Variants in GSTO2 observed in about 807,000 individuals in gnomAD.
GSTO2 encodes the protein glutathione S-transferase omega 2.
Under a neutral mutation model 28.4 loss-of-function variants are expected in GSTO2, and 23 were observed. The ratio of observed to expected loss-of-function variants is 0.81; its 90% CI spans 0.58 to 1.15. GSTO2 has a LOEUF of 1.15. GSTO2 is among the 50% of genes most tolerant of loss of function. The pLI is 0.00. For synonymous variants in GSTO2, 109 were observed against 111.0 expected (o/e 0.98, Z 0.11); for missense variants, 298 against 297.8 (o/e 1.00, Z 0.00).
At chr10:104,281,396 A>G (rs2012028243) in intron 5 of GSTO2, among the ~76,000 whole-genome samples, 1 of 152,196 alleles carries the variant, frequency 6.6e-6, no homozygotes, top group Non-Finnish European at 1.5e-5. Flanking sequence ...GACCAGGGAA[A>G]GGAGCTGGGA....
rs1242494080 is a variant in GSTO2 at position 104,304,127 on chromosome 10, T to A, written c.*4843T>A. 1.3e-5 allele frequency: 2 copies of A among 152,260 alleles called. No individual in the cohort carries two copies. The highest frequency in any genetic ancestry group is 2.4e-5 in the African/African-American group (1 of 41,436). The allele number at this position is 152,260 out of a possible 1,614,324, so 9.4% of individuals were successfully genotyped here. ...ACAAATAACCAAATATCCAGCCCAGTGCAGTTCTCAATGAGTAGTCTCCAG... is the reference window on the plus strand; with the variant it reads ...ACAAATAACCAAATATCCAGCCCAGAGCAGTTCTCAATGAGTAGTCTCCAG... On this transcript the variant is annotated 3_prime_UTR_variant, in exon 7 of 7. Coordinates refer to ENST00000338595, the MANE Select transcript of GSTO2 (RefSeq NM_183239.2).
chr10:104,289,046 C>T (rs146940284), intron 5 of GSTO2, among the ~76,000 whole-genome samples: 297 of 152,256 alleles, frequency 2.0e-3, no homozygotes, highest in African/African-American at 6.7e-3. Context: ...AAGCATTACC[C>T]TCCTAGCTTT....
At position 104,299,191 on chromosome 10, in the gene GSTO2, CTG is replaced by C; in HGVS notation, c.642_643del (p.Ala215SerfsTer5). On this transcript the variant is annotated frameshift_variant, in exon 7 of 7. Transcript: ENST00000338595. LOFTEE classifies it high-confidence loss of function. ...CAGCCATGAAGTGGGACCCCACAGT[CTG>C]TGCTCTTCTCATGGATAAGAGCATT... The part of the protein sequence containing the change: ...ISAMKWDPTV[C>X]ALLMDKSIFQ... 6.2e-7 allele frequency: 1 copy of C among 1,614,236 alleles called. No homozygotes were observed. The highest frequency in any genetic ancestry group is 1.7e-5 in the Admixed American group (1 of 60,026).
rs557913634 is a variant in GSTO2 at position 104,276,814 on chromosome 10, C to T, written c.144-1080C>T. ...ACAATCTCCTAGACTAAGCAATGAACGTTCCCATTTGTTTCCTTTCATGTT... is the reference window on the plus strand; with the variant it reads ...ACAATCTCCTAGACTAAGCAATGAATGTTCCCATTTGTTTCCTTTCATGTT... On this transcript the variant is annotated intron_variant, in intron 3 of 6. Coordinates refer to ENST00000338595, the MANE Select transcript of GSTO2 (RefSeq NM_183239.2). 7.2e-5 allele frequency among the ~76,000 whole-genome samples: 11 copies of T among 152,266 alleles called. No homozygotes were observed. In the South Asian group the frequency reaches 1.0e-3, roughly 14 times the overall value.
In GSTO2 at chr10:104,293,334, C is replaced by T. The variant is rs555585366; in HGVS notation, c.469-4244C>T. Among the ~76,000 whole-genome samples, 34 of 152,176 alleles carry T rather than the reference C, an allele frequency of 2.2e-4. No homozygotes were observed. The South Asian group carries it at 5.0e-3, about 22-fold the overall frequency. ...AAGGTCAAGAAACAGGAAGGAAAAC[C>T]GTATCAAGATATCAAGTCATGGTAT... On this transcript the variant is annotated intron_variant, in intron 5 of 6. Coordinates refer to ENST00000338595, the MANE Select transcript of GSTO2 (RefSeq NM_183239.2).
intron 1 of GSTO2, among the ~76,000 whole-genome samples, chr10:104,273,493 A>G (rs1328255184): frequency 1.3e-5 from 2 of 152,234 alleles, no homozygotes; most frequent in Non-Finnish European, 2.9e-5. Context: ...TCACTAGCAA[A>G]AAATGTTAAC....
At chr10:104,273,887 G>T (rs12773129) in intron 1 of GSTO2, among the ~76,000 whole-genome samples, 4,563 of 152,302 alleles carry the variant, frequency 0.03, 100 homozygotes, top group South Asian at 0.11. Flanking sequence ...TAGTCAGTAT[G>T]AGTGAGACAC....
At chr10:104,272,576 C>T (rs1412292301) in intron 1 of GSTO2, among the ~76,000 whole-genome samples, 1 of 108,892 alleles carries the variant, frequency 9.2e-6, no homozygotes, top group Non-Finnish European at 1.8e-5. Context: ...CAAAATAGAA[C>T]AGTTATGGGA....
chr10:104,281,853 G>A (rs954938459), intron 5 of GSTO2, among the ~76,000 whole-genome samples: 1 of 152,162 alleles, frequency 6.6e-6, no homozygotes, highest in African/African-American at 2.4e-5. Context: ...ATACAAGAAG[G>A]CTGGTCTGTG....
At chr10:104,292,818 G>A (rs1427278624) in intron 5 of GSTO2, among the ~76,000 whole-genome samples, 1 of 152,106 alleles carries the variant, frequency 6.6e-6, no homozygotes, top group Non-Finnish European at 1.5e-5. Flanking sequence ...TTAAAAGGAT[G>A]GATTGGATAT....
intron 5 of GSTO2, among the ~76,000 whole-genome samples, chr10:104,280,027 A>G (rs1298105474): frequency 6.6e-6 from 1 of 151,984 alleles, no homozygotes. Flanking sequence ...TTAGCCAGGC[A>G]TAACGATGTA....
intron 5 of GSTO2, among the ~76,000 whole-genome samples, chr10:104,291,921 G>C (rs549811969): frequency 1.3e-5 from 2 of 152,312 alleles, no homozygotes; most frequent in East Asian, 3.9e-4. Flanking sequence ...TTAGAAAGGA[G>C]CTCTTCTATT....
chr10:104,272,065 G>A (rs2011431747), intron 1 of GSTO2, among the ~76,000 whole-genome samples: 1 of 152,228 alleles, frequency 6.6e-6, no homozygotes, highest in Admixed American at 6.5e-5. Context: ...AACTATGGAT[G>A]TTGGGTGATA....
chr10:104,296,758 C>CTTTCTTTTTTTCTTTTTCTTTTCTTT (rs2013053054), intron 5 of GSTO2: 1 of 151,930 alleles, frequency 6.6e-6, no homozygotes, highest in African/African-American at 2.4e-5. Flanking sequence ...AGAGCATCCC[C>CTTTCTTTTTTTCTTTTTCTTTTCTTT]TTTCTTTTTT....
chr10:104,299,073 C>T (rs35923331), intron 6 of GSTO2, 55 bp from the exon 7 acceptor site: 1 of 1,475,922 alleles, frequency 6.8e-7, no homozygotes, highest in East Asian at 2.5e-5. Flanking sequence ...AACGTGCATC[C>T]CCTTTCCTGA....
Position 104,279,641 on chromosome 10 carries a change from T to C in GSTO2, c.468+170T>C, listed in dbSNP as rs45519133. Among the ~76,000 whole-genome samples the C allele has an allele frequency of 4.7e-3, 711 of 152,298 alleles. 5 individuals carry two copies. Among genetic ancestry groups the C allele is most frequent in the Non-Finnish European group, 7.3e-3 (494 of 68,022 alleles). ...TGCCCTCCTCTAACCTGGTCTAGAATTATTCTGGAAAATCTGATGAGGAGT... is the reference window on the plus strand; with the variant it reads ...TGCCCTCCTCTAACCTGGTCTAGAACTATTCTGGAAAATCTGATGAGGAGT... On this transcript the variant is annotated intron_variant, in intron 5 of 6. Transcript: ENST00000338595.
At chr10:104,298,943 A>G (rs2013165504) in intron 6 of GSTO2, among the ~76,000 whole-genome samples, 185 bp from the exon 7 acceptor site, 1 of 152,258 alleles carries the variant, frequency 6.6e-6, no homozygotes, top group Non-Finnish European at 1.5e-5. Flanking sequence ...ACTTCTAAAC[A>G]TTCAACTATT....
In GSTO2 at chr10:104,279,455, T is replaced by G; in HGVS notation, c.452T>G (p.Phe151Cys). Residue 151 changes from phenylalanine to cysteine, a missense_variant, in exon 5 of 7, where the codon TTC (phenylalanine) becomes TGC (cysteine). By Grantham distance (205) the Phe-to-Cys change is radical. Transcript: ENST00000338595. ...CTGAAGGCAGCCCTGCGTCAGGAAT[T>G]CAGCAACCTGGAAGAGGTACAAAAA... ...TNLKAALRQEFSNLEEILEYQ... is the reference protein window; with the variant it reads ...TNLKAALRQECSNLEEILEYQ... 6.2e-7 allele frequency: 1 copy of G among 1,613,782 alleles called. No individual in the cohort carries two copies. Among genetic ancestry groups the G allele is most frequent in the Non-Finnish European group, 8.5e-7 (1 of 1,179,706 alleles).
intron 5 of GSTO2, among the ~76,000 whole-genome samples, chr10:104,281,772 C>A (rs1293935684): frequency 1.3e-5 from 2 of 152,092 alleles, no homozygotes; most frequent in Non-Finnish European, 2.9e-5. Flanking sequence ...GGGCTCAAAG[C>A]CTGGACAGGG....
Sources: gnomAD v4.1 joint callset for allele counts (sites outside exome capture counted in the v4.1 genomes callset) on GRCh38, gnomAD v4.1.1 for gene constraint, MANE v1.5 for transcripts, NCBI Gene and HGNC (gene_info 2026-07-23, HGNC 2026-07-21) for gene names.